DOCK8: variants seen among roughly 807,000 people sequenced by gnomAD.
DOCK8 encodes dedicator of cytokinesis protein 8.
In DOCK8, 141 loss-of-function variants were observed where a neutral mutation model predicts 245.6. The ratio of observed to expected loss-of-function variants is 0.57; its 90% confidence interval spans 0.50 to 0.66. The LOEUF (loss-of-function observed/expected upper bound fraction) is 0.66, where lower values mean the gene tolerates loss of function less well. DOCK8 is among the 30% of genes least tolerant of loss of function. The pLI is 0.00. For synonymous variants in DOCK8, 1,168 were observed against 970.2 expected, an observed-to-expected ratio of 1.20 and a Z score of -3.79; for missense variants, 2,965 against 2,603.4, an observed-to-expected ratio of 1.14 and a Z score of -3.02.
intron 10 of DOCK8, 35 bp from the exon 11 acceptor site, chr9:334,190 C>G (rs771000506): frequency 2.3e-5 from 37 of 1,613,432 alleles, no homozygotes; most frequent in Non-Finnish European, 3.1e-5. Context: ...GGTGCTGATG[C>G]TTGTTTCAGC....
chr9:235,205 A>G (rs1425031264), intron 1 of DOCK8, among the ~76,000 whole-genome samples: 1 of 152,096 alleles, frequency 6.6e-6, no homozygotes, highest in Non-Finnish European at 1.5e-5. Flanking sequence ...GTGGCTACAG[A>G]GCAGTGGATA....
At chr9:410,733 A>G (rs538289830) in intron 28 of DOCK8, among the ~76,000 whole-genome samples, 1 of 152,246 alleles carries the variant, frequency 6.6e-6, no homozygotes, top group Non-Finnish European at 1.5e-5. Flanking sequence ...AGCCAAAATA[A>G]ATGAAATAAA....
intron 28 of DOCK8, among the ~76,000 whole-genome samples, chr9:407,829 C>T (rs542928948): frequency 1.3e-5 from 2 of 152,276 alleles, no homozygotes; most frequent in East Asian, 3.9e-4. Flanking sequence ...TATATCAGTG[C>T]ACAAAACAGA....
chr9:346,202 C>G (rs1452708124), intron 14 of DOCK8, among the ~76,000 whole-genome samples: 2 of 152,138 alleles, frequency 1.3e-5, no homozygotes, highest in African/African-American at 2.4e-5. Flanking sequence ...CGAATCCAAG[C>G]TTGGCGTTCC....
At chr9:405,786 T>G (rs1453276205) in intron 27 of DOCK8, among the ~76,000 whole-genome samples, 2 of 152,240 alleles carry the variant, frequency 1.3e-5, no homozygotes, top group Admixed American at 6.5e-5. Context: ...AAAAAAAATC[T>G]TAGCCATATA....
At chr9:360,018 A>T (rs959578246) in intron 14 of DOCK8, among the ~76,000 whole-genome samples, 4 of 152,164 alleles carry the variant, frequency 2.6e-5, no homozygotes, top group African/African-American at 9.7e-5. Flanking sequence ...CAAGCTGTTA[A>T]AAAATGAATA....
intron 14 of DOCK8, among the ~76,000 whole-genome samples, chr9:343,845 G>T (rs1382838730): frequency 6.6e-6 from 1 of 152,220 alleles, no homozygotes; most frequent in African/African-American, 2.4e-5. Context: ...TGCATCCAAT[G>T]AATTCTGTAG....
At position 271,695 on chromosome 9, in the gene DOCK8, G is replaced by T. The variant is rs1264607684; in HGVS notation, c.122G>T (p.Ser41Ile). Residue 41 changes from serine to isoleucine, a missense_variant, in exon 2 of 48, where the codon AGC becomes ATC. By Grantham distance (142) the Ser-to-Ile change is moderately radical. Around this residue, in one of 3 missense-constraint regions of DOCK8, gnomAD observed 2,825 missense variants for 2,453.5 expected, o/e 1.15. Transcript: ENST00000432829. ...AACCTTGGCCAGTACCATCGACAGA[G>T]CATAAGTACCTCTGGCTTCCCCTCT... is the stretch of plus-strand genomic sequence containing the variant. ...PPNLGQYHRQ[S>I]ISTSGFPSLQ... 1 of 1,551,634 alleles carries T rather than the reference G, an allele frequency of 6.4e-7. No homozygotes were observed. Among genetic ancestry groups the T allele is most frequent in the Non-Finnish European group, 8.7e-7 (1 of 1,146,860 alleles).
chr9:404,601 A>T (rs2131532458), intron 26 of DOCK8, among the ~76,000 whole-genome samples: 1 of 152,320 alleles, frequency 6.6e-6, no homozygotes, highest in South Asian at 2.1e-4. Context: ...AAAATTAATT[A>T]TGTTACGGTG....
intron 14 of DOCK8, among the ~76,000 whole-genome samples, chr9:358,263 T>A (rs964754480): frequency 5.3e-5 from 8 of 151,888 alleles, no homozygotes; most frequent in Non-Finnish European, 1.0e-4. Flanking sequence ...AAAAAAAAAA[T>A]TCTGTTGTAC....
chr9:289,709 G>GTA, intron 4 of DOCK8, 128 bp downstream of exon 4: 1 of 759,136 alleles, frequency 1.3e-6, no homozygotes, highest in East Asian at 2.8e-5. Flanking sequence ...GAGTTCTCAT[G>GTA]TATGCCTTCC....
chr9:366,510 C>G (rs1330574479), intron 14 of DOCK8: 1 of 152,182 alleles, frequency 6.6e-6, no homozygotes, highest in Non-Finnish European at 1.5e-5. Context: ...TCCCTGTGCC[C>G]TAACTTTTCT....
At chr9:240,859 T>A (rs542906349) in intron 1 of DOCK8, among the ~76,000 whole-genome samples, 51 of 152,270 alleles carry the variant, frequency 3.3e-4, no homozygotes, top group Admixed American at 1.2e-3. Flanking sequence ...CCTTATCTCT[T>A]AAATAAAAAA....
rs560183022 is a variant in DOCK8, at chr9:250,533, C to G, written c.54-21094C>G. Among the ~76,000 whole-genome samples, 92 of 152,276 alleles carry G rather than the reference C, an allele frequency of 6.0e-4. No homozygotes were observed. The South Asian group carries it at 0.018, about 30-fold the overall frequency. On this transcript the variant is annotated intron_variant, in intron 1 of 47. Transcript: ENST00000432829. Reference sequence around the variant, plus strand: ...TGGGTTTTTCCTTATTGGGATTCCCCCATGTTTTTTCTTTAATGCTTCCCC... The same window carrying G: ...TGGGTTTTTCCTTATTGGGATTCCCGCATGTTTTTTCTTTAATGCTTCCCC...
At chr9:335,117 C>A (rs748659675) in intron 11 of DOCK8, among the ~76,000 whole-genome samples, 3 of 152,066 alleles carry the variant, frequency 2.0e-5, no homozygotes, top group Non-Finnish European at 4.4e-5. Context: ...TCAAGTTTCC[C>A]AGCAAAATTT....
intron 1 of DOCK8, among the ~76,000 whole-genome samples, chr9:270,777 A>C (rs1306320660): frequency 3.3e-5 from 5 of 152,212 alleles, no homozygotes; most frequent in African/African-American, 9.6e-5. Context: ...AATTATATTC[A>C]GTAGTGGTAT....
At chr9:395,531 T>TTAGTAGTAGTAGTAG (rs60738310) in intron 24 of DOCK8, among the ~76,000 whole-genome samples, 68 of 149,476 alleles carry the variant, frequency 4.5e-4, no homozygotes, top group Admixed American at 3.2e-3. Flanking sequence ...TCCAGTGCCA[T>TTAGTAGTAGTAGTAG]TAGTAGTAGT....
At chr9:340,508 C>G in intron 14 of DOCK8, 187 bp downstream of exon 14, 1 of 683,280 alleles carries the variant, frequency 1.5e-6, no homozygotes, top group Non-Finnish European at 2.4e-6. Context: ...GTAATCCCAG[C>G]AACTTGGCAG....
intron 29 of DOCK8, among the ~76,000 whole-genome samples, chr9:416,737 A>C (rs917524557): frequency 7.9e-5 from 12 of 152,198 alleles, no homozygotes; most frequent in African/African-American, 2.9e-4. Context: ...TTCCTCTGTA[A>C]ACTATAAAAA....
Sources: allele counts gnomAD v4.1 joint callset (sites outside exome capture counted in the v4.1 genomes callset), GRCh38; gene constraint gnomAD v4.1.1; regional missense constraint gnomAD v4.1.1; transcripts MANE v1.5; gene names NCBI Gene and HGNC (gene_info 2026-07-23, HGNC 2026-07-21).